Variants in ANKRD26 observed in about 807,000 individuals in gnomAD.
ANKRD26 encodes ankyrin repeat domain-containing protein 26.
Under a neutral mutation model 208.7 loss-of-function variants are expected in ANKRD26, and 141 were observed. The ratio of observed to expected loss-of-function variants is 0.68; its 90% CI spans 0.59 to 0.78. The LOEUF (loss-of-function observed/expected upper bound fraction) is 0.78, where lower values mean the gene tolerates loss of function less well. ANKRD26 is among the 30% of genes least tolerant of loss of function. The probability of loss-of-function intolerance (pLI) is 0.00; values close to 1 mark genes in which losing one functional copy is unlikely to be tolerated. For synonymous variants in ANKRD26, 636 were observed against 660.4 expected (o/e 0.96, Z 0.57); for missense variants, 1,889 against 1,938.7 (o/e 0.97, Z 0.48).
chr10:27,056,541 G>A (rs1261126671), intron 15 of ANKRD26, among the ~76,000 whole-genome samples: 3 of 151,760 alleles, frequency 2.0e-5, no homozygotes, highest in Admixed American at 6.6e-5. Flanking sequence ...AATTTGGGGG[G>A]CTGAGGTGGG....
At chr10:26,956,867 G>C in the ANKRD26 span, among the ~76,000 whole-genome samples, 10 of 152,150 alleles carry the variant, frequency 6.6e-5, no homozygotes, top group Admixed American at 6.6e-4. Flanking sequence ...TTTTGCATTA[G>C]TTTTTAAAAT....
In ANKRD26 at chr10:27,035,353, C is replaced by A; in HGVS notation, c.3097G>T (p.Ala1033Ser). ...CATTCATCTCTTGCTCTCTGGAAAG[C>A]AAGTTCTAGTTCTCTTTTTGATGTC... ...SETSKRELEL[A>S]FQRARDECSR... Residue 1033 changes from alanine to serine, a missense_variant, in exon 24 of 34, where the codon GCT becomes TCT. Transcript: ENST00000376087. The A allele has an allele frequency of 6.2e-7, 1 of 1,613,914 alleles. No homozygotes were observed. Among genetic ancestry groups the A allele is most frequent in the Non-Finnish European group, 8.5e-7 (1 of 1,179,912 alleles).
At chr10:27,087,765 C>T (rs2135688521) in intron 4 of ANKRD26, among the ~76,000 whole-genome samples, 1 of 152,268 alleles carries the variant, frequency 6.6e-6, no homozygotes, top group African/African-American at 2.4e-5. Context: ...GTTCATCATT[C>T]CAACTGACGT....
intron 33 of ANKRD26, 59 bp from the exon 34 acceptor site, chr10:27,005,782 T>G (rs1037694695): frequency 6.4e-7 from 1 of 1,557,468 alleles, no homozygotes; most frequent in Non-Finnish European, 8.7e-7. Flanking sequence ...GTTAACTAAG[T>G]GGAAGTCAGT....
chr10:26,983,377 T>C (rs1209600256), intron 3 of ANKRD26, among the ~76,000 whole-genome samples: 3 of 152,198 alleles, frequency 2.0e-5, no homozygotes, highest in Non-Finnish European at 4.4e-5. Flanking sequence ...CTAACCATCC[T>C]GGGGTTAACT....
At chr10:27,055,656 C>T (rs1264913435) in intron 15 of ANKRD26, among the ~76,000 whole-genome samples, 4 of 152,082 alleles carry the variant, frequency 2.6e-5, no homozygotes, top group Admixed American at 2.0e-4. Flanking sequence ...TGATAGAGCA[C>T]TCCTTAAAAC....
the ANKRD26 span, among the ~76,000 whole-genome samples, chr10:26,950,541 GATA>G: frequency 6.6e-6 from 1 of 152,270 alleles, no homozygotes; most frequent in Non-Finnish European, 1.5e-5. Context: ...CTGTCCCACT[GATA>G]ATGAGTGAGT....
intron 6 of ANKRD26, 114 bp downstream of exon 6, chr10:27,082,689 G>C (rs1336902194): frequency 1.4e-6 from 2 of 1,413,728 alleles, no homozygotes; most frequent in Non-Finnish European, 1.9e-6. Context: ...CAAAGCTGTT[G>C]GGACGACTAT....
chr10:26,967,509 C>T, the ANKRD26 span, among the ~76,000 whole-genome samples: 9 of 147,288 alleles, frequency 6.1e-5, no homozygotes, highest in Non-Finnish European at 1.4e-4. Flanking sequence ...CTTCAGTTAC[C>T]ATCTAGTTCT....
Position 27,014,477 on chromosome 10 carries a change from T to A in ANKRD26, c.4724+17A>T. On this transcript the variant is annotated intron_variant, in intron 31 of 33. Coordinates refer to ENST00000376087, the MANE Select transcript of ANKRD26 (RefSeq NM_014915.3). ...ATGAGCTTAATTTATTTCCTATGAT[T>A]CTATATTTTGACTTACTTGGTTAGT... The A allele has an allele frequency of 6.6e-7, 1 of 1,504,414 alleles. No individual in the cohort carries two copies. Among genetic ancestry groups the A allele is most frequent in the Non-Finnish European group, 9.2e-7 (1 of 1,087,492 alleles). 93.2% of individuals were successfully genotyped at this position (1,504,414 alleles called of 1,614,324 possible).
chr10:27,036,238 T>A (rs2135200096), intron 23 of ANKRD26, among the ~76,000 whole-genome samples: 1 of 152,178 alleles, frequency 6.6e-6, no homozygotes, highest in East Asian at 1.9e-4. Context: ...ATCTTTATAG[T>A]CAGTTATCAA....
At chr10:26,951,008 C>CTTTTTTTTTTT in the ANKRD26 span, among the ~76,000 whole-genome samples, 1 of 62,696 alleles carries the variant, frequency 1.6e-5, no homozygotes, top group African/African-American at 8.6e-5. Context: ...TTTTTCTTTT[C>CTTTTTTTTTTT]TTTTCTTTTT....
chr10:27,077,814 T>G, intron 7 of ANKRD26, 121 bp from the exon 8 acceptor site: 1 of 897,630 alleles, frequency 1.1e-6, no homozygotes, highest in Non-Finnish European at 1.7e-6. Flanking sequence ...GATTTTGGAG[T>G]CACTCAGATG....
At chr10:27,066,954 G>A (rs774060591) in intron 10 of ANKRD26, among the ~76,000 whole-genome samples, 1 of 151,872 alleles carries the variant, frequency 6.6e-6, no homozygotes, top group Non-Finnish European at 1.5e-5. Flanking sequence ...TTATAGGCAC[G>A]CACCACCACA....
intron 21 of ANKRD26, 23 bp from the exon 22 acceptor site, chr10:27,038,077 T>G: frequency 6.3e-7 from 1 of 1,579,640 alleles, no homozygotes; most frequent in Non-Finnish European, 8.6e-7. Context: ...ATGTTTATCT[T>G]AAAATCTGTA....
chr10:27,060,292 C>T (rs1217455240), intron 15 of ANKRD26, 53 bp downstream of exon 15: 14 of 1,429,188 alleles, frequency 9.8e-6, no homozygotes, highest in African/African-American at 1.4e-5. Context: ...TCAAATATTT[C>T]AAAAATTTTA....
intron 25 of ANKRD26, among the ~76,000 whole-genome samples, chr10:27,032,933 G>T (rs2053922034): frequency 6.6e-6 from 1 of 151,756 alleles, no homozygotes; most frequent in South Asian, 2.1e-4. Flanking sequence ...AAATTAGCCA[G>T]GTGTGGCGGT....
In ANKRD26 at chr10:27,051,464, T is replaced by C. The variant is rs2054657861; in HGVS notation, c.1635+1856A>G. ...AGTTAGTGGTATTTCGGTTCATATT[T>C]TTTGTCTTATCAAACTCTTCTTTCA... On this transcript the variant is annotated intron_variant, in intron 16 of 33. Coordinates refer to ENST00000376087, the MANE Select transcript of ANKRD26 (RefSeq NM_014915.3). 5 of 1,070,468 alleles carry C rather than the reference T, an allele frequency of 4.7e-6. No individual in the cohort carries two copies. The South Asian group carries it at 1.1e-4, about 23-fold the overall frequency. 66.3% of individuals were successfully genotyped at this position (1,070,468 alleles called of 1,614,324 possible). A position where few individuals can be genotyped will look rare whatever the true frequency, so the allele number is the denominator to read the frequency against.
chr10:27,093,942 A>G, intron 1 of ANKRD26, 143 bp from the exon 2 acceptor site: 1 of 727,134 alleles, frequency 1.4e-6, no homozygotes, highest in Non-Finnish European at 2.4e-6. Context: ...TGTGTCCCCA[A>G]CCAAATCCCA....
Sources: allele counts gnomAD v4.1 joint callset (sites outside exome capture counted in the v4.1 genomes callset), GRCh38; gene constraint gnomAD v4.1.1; transcripts MANE v1.5; gene names NCBI Gene and HGNC (gene_info 2026-07-23, HGNC 2026-07-21).